The following TMEM178A variants were observed in gnomAD, a reference collection of about 807,000 sequenced individuals.
TMEM178A encodes transmembrane protein 178.
A neutral mutation model predicts 29.1 loss-of-function variants in TMEM178A; 12 were observed. The ratio of observed to expected loss-of-function variants is 0.41; its 90% CI spans 0.26 to 0.67. The LOEUF (loss-of-function observed/expected upper bound fraction) is 0.67. Ranked by LOEUF, TMEM178A falls within the 30% of genes least tolerant of loss-of-function variation. The probability of loss-of-function intolerance (pLI) is 0.29; values close to 1 mark genes in which losing one functional copy is unlikely to be tolerated. For synonymous variants in TMEM178A, 210 were observed against 187.2 expected (o/e 1.12, Z -0.99); for missense variants, 366 against 419.1 (o/e 0.87, Z 1.11).
At chr2:39,685,883 C>G (rs1671055246) in intron 1 of TMEM178A, among the ~76,000 whole-genome samples, 1 of 152,206 alleles carries the variant, frequency 6.6e-6, no homozygotes, top group Non-Finnish European at 1.5e-5. Context: ...AAGTGACAAC[C>G]TCCTGGTCTG....
At chr2:39,732,845 G>C in the TMEM178A span, among the ~76,000 whole-genome samples, 1 of 152,168 alleles carries the variant, frequency 6.6e-6, no homozygotes, top group Non-Finnish European at 1.5e-5. Context: ...AAATGAGTCA[G>C]AGCAGCAAAT....
chr2:39,685,167 TC>T (rs1300992175), intron 1 of TMEM178A, among the ~76,000 whole-genome samples: 1 of 152,118 alleles, frequency 6.6e-6, no homozygotes, highest in African/African-American at 2.4e-5. Context: ...CAGCCTTCAT[TC>T]CCTCCATGGT....
chr2:39,690,329 G>A (rs537701259), intron 1 of TMEM178A, among the ~76,000 whole-genome samples: 1 of 152,226 alleles, frequency 6.6e-6, no homozygotes, highest in Non-Finnish European at 1.5e-5. Flanking sequence ...ACAAGCTTCT[G>A]AGATGGTGTG....
chr2:39,698,624 G>T (rs1471659749), intron 1 of TMEM178A, among the ~76,000 whole-genome samples: 7 of 151,616 alleles, frequency 4.6e-5, no homozygotes, highest in African/African-American at 1.7e-4. Flanking sequence ...TCCTTTTCTT[G>T]TGGTGTCTTT....
chr2:39,680,041 T>C (rs1670801329), intron 1 of TMEM178A, among the ~76,000 whole-genome samples: 1 of 152,184 alleles, frequency 6.6e-6, no homozygotes, highest in African/African-American at 2.4e-5. Flanking sequence ...ATCTTCCTCC[T>C]AACAAGTTGA....
chr2:39,701,183 C>T (rs1446399697), intron 1 of TMEM178A, among the ~76,000 whole-genome samples: 2 of 151,994 alleles, frequency 1.3e-5, no homozygotes, highest in Admixed American at 6.6e-5. Context: ...AGTTATTATC[C>T]TTCATTTCAC....
intron 1 of TMEM178A, among the ~76,000 whole-genome samples, chr2:39,668,886 G>T (rs1670288663): frequency 6.6e-6 from 1 of 152,094 alleles, no homozygotes; most frequent in Admixed American, 6.5e-5. Flanking sequence ...CATTTTCCTG[G>T]CTCAAAGATG....
intron 1 of TMEM178A, among the ~76,000 whole-genome samples, chr2:39,685,878 A>C (rs935833129): frequency 6.6e-6 from 1 of 152,218 alleles, no homozygotes; most frequent in Non-Finnish European, 1.5e-5. Flanking sequence ...TGAGGAAGTG[A>C]CAACCTCCTG....
At chr2:39,716,106 A>G (rs1050568007) in intron 3 of TMEM178A, among the ~76,000 whole-genome samples, 6 of 152,210 alleles carry the variant, frequency 3.9e-5, no homozygotes, top group African/African-American at 1.4e-4. Flanking sequence ...TTCAGAACAG[A>G]ACTGGACATT....
chr2:39,716,652 T>C (rs1672552105), intron 3 of TMEM178A, among the ~76,000 whole-genome samples: 1 of 152,214 alleles, frequency 6.6e-6, no homozygotes, highest in African/African-American at 2.4e-5. Context: ...TGTGCTTGAT[T>C]TGAGTGATTA....
At chr2:39,696,745 A>C (rs190280504) in intron 1 of TMEM178A, among the ~76,000 whole-genome samples, 1 of 152,274 alleles carries the variant, frequency 6.6e-6, no homozygotes, top group East Asian at 1.9e-4. Context: ...CTTAGCTTGG[A>C]ACTCAGTATT....
At position 39,707,183 on chromosome 2, in the gene TMEM178A, A is replaced by G. The variant is rs1452639682; in HGVS notation, c.649A>G (p.Thr217Ala). ...CGTGGCTGGACTCCTGTTCCTCATG[A>G]CAGGTAGGCTGCATGCCTCAGGCCG... ...QHVAGLLFLM[T>A]GIFCTISLCT... The change falls in exon 3 of 4, where the codon ACA becomes GCA. Residue 217 changes from threonine to alanine, a missense_variant. Thr to Ala is a moderately conservative substitution (Grantham distance 58). Transcript: ENST00000281961. The G allele has an allele frequency of 3.7e-6, 6 of 1,610,550 alleles. No homozygotes were observed. In the South Asian group the frequency reaches 6.6e-5, roughly 18 times the overall value.
At chr2:39,704,288 T>A in intron 2 of TMEM178A, 94 bp downstream of exon 2, 1 of 1,054,636 alleles carries the variant, frequency 9.5e-7, no homozygotes, top group Non-Finnish European at 1.4e-6. Flanking sequence ...AGGATGTTGT[T>A]CTTATCCTCT....
At chr2:39,727,344 C>G in the TMEM178A span, among the ~76,000 whole-genome samples, 5 of 152,140 alleles carry the variant, frequency 3.3e-5, no homozygotes, top group Admixed American at 6.6e-5. Context: ...GAATAAATAA[C>G]AAGATTTGAA....
rs1283878308 is a variant in TMEM178A, at chr2:39,707,043, G to A, written c.515-6G>A. Reference sequence around the variant, plus strand: ...TTGTGAATGTCTGTGTCTGTTTTGAGATTAGATTTAAGAAGAATCACTGCT... The same window carrying A: ...TTGTGAATGTCTGTGTCTGTTTTGAAATTAGATTTAAGAAGAATCACTGCT... On this transcript the variant is annotated splice_region_variant and splice_polypyrimidine_tract_variant and intron_variant, in intron 2 of 3. Transcript: ENST00000281961. 2 of 1,597,912 alleles carry A rather than the reference G, an allele frequency of 1.3e-6. No homozygotes were observed. Among genetic ancestry groups the A allele is most frequent in the South Asian group, 2.3e-5 (2 of 87,594 alleles).
At chr2:39,687,774 T>TCAA (rs1671145581) in intron 1 of TMEM178A, among the ~76,000 whole-genome samples, 1 of 152,250 alleles carries the variant, frequency 6.6e-6, no homozygotes, top group African/African-American at 2.4e-5. Flanking sequence ...ATGCCATGTG[T>TCAA]CAACACAGGC....
At chr2:39,676,462 C>T (rs1262689500) in intron 1 of TMEM178A, among the ~76,000 whole-genome samples, 3 of 152,182 alleles carry the variant, frequency 2.0e-5, no homozygotes, top group Non-Finnish European at 2.9e-5. Context: ...CCCCATTTTC[C>T]GATGTCTTCT....
At chr2:39,682,973 CT>C (rs1670932566) in intron 1 of TMEM178A, among the ~76,000 whole-genome samples, 1 of 152,178 alleles carries the variant, frequency 6.6e-6, no homozygotes, top group Admixed American at 6.5e-5. Flanking sequence ...TTACCACCTC[CT>C]CAAGATAAAG....
chr2:39,691,777 G>GA (rs1299968194), intron 1 of TMEM178A, among the ~76,000 whole-genome samples: 1 of 150,962 alleles, frequency 6.6e-6, no homozygotes, highest in Non-Finnish European at 1.5e-5. Flanking sequence ...ATAGATAAAG[G>GA]AAAATTTTTA....
Sources: allele counts gnomAD v4.1 joint callset (sites outside exome capture counted in the v4.1 genomes callset), GRCh38; gene constraint gnomAD v4.1.1; transcripts MANE v1.5; gene names NCBI Gene and HGNC (gene_info 2026-07-23, HGNC 2026-07-21).